Variants in OPHN1 observed in about 807,000 individuals in gnomAD.
OPHN1 encodes the protein oligophrenin 1, also known as oligophrenin-1.
OPHN1 carries 11 observed loss-of-function variants against 60.7 expected under a neutral mutation model. The observed-to-expected ratio is 0.18, with a 90% confidence interval of 0.11 to 0.30. The LOEUF (loss-of-function observed/expected upper bound fraction) is 0.30, where lower values mean the gene tolerates loss of function less well. Ranked by LOEUF, OPHN1 falls within the 10% of genes least tolerant of loss-of-function variation. OPHN1 has a pLI of 1.00. For synonymous variants in OPHN1, 226 were observed against 222.6 expected, an observed-to-expected ratio of 1.02 and a Z score of -0.14; for missense variants, 449 against 611.0, an observed-to-expected ratio of 0.73 and a Z score of 2.80.
At chrX:68,064,482 A>G (rs1022881213) in intron 20 of OPHN1, among the ~76,000 whole-genome samples, 1 of 112,299 alleles carries the variant, frequency 8.9e-6, no homozygotes, top group East Asian at 2.8e-4. Flanking sequence ...AAAGACTTAA[A>G]GTCCCCAGTC....
rs566321281 is a variant in OPHN1 at position 68,090,022 on chromosome X, A to G, written c.1686+6848T>C. ...TAAAGATATTTTTTCTCCAGATTCA[A>G]TTGAGAATGTTTGCCAAATTCCAAG... is the stretch of plus-strand genomic sequence containing the variant. On this transcript the variant is annotated intron_variant, in intron 19 of 24. Transcript: ENST00000355520. Among the ~76,000 whole-genome samples, 4 of 112,300 alleles carry G rather than the reference A, an allele frequency of 3.6e-5. No homozygotes were observed. In the East Asian group the frequency reaches 8.4e-4, roughly 23 times the overall value.
intron 1 of OPHN1, 48 bp from the exon 2 acceptor site, chrX:68,433,072 G>C (rs755861247): frequency 9.0e-7 from 1 of 1,113,114 alleles, no homozygotes; most frequent in Non-Finnish European, 1.2e-6. Context: ...AAGACCGAGA[G>C]CATCAATGGC....
At chrX:68,195,851 G>C (rs754976641) in intron 12 of OPHN1, among the ~76,000 whole-genome samples, 1 of 112,024 alleles carries the variant, frequency 8.9e-6, no homozygotes, top group African/African-American at 3.2e-5. Context: ...AAGTTGGTAT[G>C]GATCCACATT....
At chrX:68,267,599 T>C (rs1044387713) in intron 5 of OPHN1, among the ~76,000 whole-genome samples, 12 of 111,901 alleles carry the variant, frequency 1.1e-4, no homozygotes, top group Non-Finnish European at 2.3e-4. Context: ...ATTGATACCT[T>C]AACATCACAA....
intron 18 of OPHN1, among the ~76,000 whole-genome samples, chrX:68,110,834 A>G (rs1278980676): frequency 2.7e-5 from 3 of 112,072 alleles, no homozygotes. Context: ...ATAGAAGTGT[A>G]GAAAACAGTC....
chrX:68,363,571 T>C (rs1440813271), intron 2 of OPHN1, among the ~76,000 whole-genome samples: 1 of 111,339 alleles, frequency 9.0e-6, no homozygotes, highest in African/African-American at 3.3e-5. Context: ...CTCAGCTTCC[T>C]AAATTGCTGG....
intron 15 of OPHN1, among the ~76,000 whole-genome samples, chrX:68,191,626 G>A (rs772318585): frequency 1.8e-5 from 2 of 112,117 alleles, no homozygotes; most frequent in African/African-American, 6.5e-5. Context: ...TCTGAGAAGA[G>A]GGATACAAAC....
chrX:68,433,821 C>G (rs1974859040), upstream of OPHN1: 2 of 296,040 alleles, frequency 6.8e-6, no homozygotes, highest in African/African-American at 2.7e-5. Flanking sequence ...CGCGGTAGCC[C>G]AGCGCTTCCC....
chrX:68,128,362 T>A (rs1292978468), intron 15 of OPHN1, among the ~76,000 whole-genome samples: 1 of 111,530 alleles, frequency 9.0e-6, no homozygotes, highest in Non-Finnish European at 1.9e-5. Flanking sequence ...GACCTATTGA[T>A]AATGTTTTTA....
chrX:68,312,575 A>T, intron 2 of OPHN1, among the ~76,000 whole-genome samples: 1 of 111,198 alleles, frequency 9.0e-6, no homozygotes, highest in Non-Finnish European at 1.9e-5. Context: ...AAATGAAGAA[A>T]TATCTTGAAT....
At position 68,274,700 on chromosome X, in the gene OPHN1, C is replaced by T. The variant is rs758577870; in HGVS notation, c.384+38G>A. On this transcript the variant is annotated intron_variant, in intron 5 of 24. Coordinates refer to ENST00000355520, the MANE Select transcript of OPHN1 (RefSeq NM_002547.3). ...AGTAGCCCATACAACTATTCGATTG[C>T]TATTTTAAAAAATCTTATGCATATA... The T allele has an allele frequency of 1.3e-5, 13 of 966,072 alleles. 1 individual carries two copies. In the South Asian group the frequency reaches 2.1e-4, roughly 16 times the overall value. 79.6% of individuals were successfully genotyped at this position (966,072 alleles called of 1,213,427 possible).
intron 15 of OPHN1, among the ~76,000 whole-genome samples, chrX:68,182,102 C>T (rs193235011): frequency 9.1e-6 from 1 of 109,429 alleles, no homozygotes; most frequent in Non-Finnish European, 1.9e-5. Context: ...ATGGCTACAC[C>T]TTAGGCACCG....
chrX:68,392,722 C>A (rs867338326), intron 2 of OPHN1, among the ~76,000 whole-genome samples: 1 of 109,228 alleles, frequency 9.2e-6, no homozygotes, highest in Middle Eastern at 4.6e-3. Context: ...CAGAACAATG[C>A]AGCAGAGAAA....
At chrX:68,230,802 A>T (rs2077724715) in intron 6 of OPHN1, among the ~76,000 whole-genome samples, 1 of 107,619 alleles carries the variant, frequency 9.3e-6, no homozygotes, top group South Asian at 4.3e-4. Context: ...ATTAGGAGAT[A>T]GACCTAATGT....
chrX:68,260,589 A>T (rs1323867107), intron 5 of OPHN1, among the ~76,000 whole-genome samples: 1 of 111,298 alleles, frequency 9.0e-6, no homozygotes, highest in Non-Finnish European at 1.9e-5. Flanking sequence ...CTTGACTTCC[A>T]CATCTGTAGG....
Position 68,398,078 on chromosome X carries a change from G to A in OPHN1, c.154+34789C>T, listed in dbSNP as rs150082879. ...CTGTAGAAAACCTGCCAGAGTGGGG[G>A]CACAAAATGCTGCAAAGAAACAGAA... On this transcript the variant is annotated intron_variant, in intron 2 of 24. Transcript: ENST00000355520. 9.2e-4 allele frequency among the ~76,000 whole-genome samples: 103 copies of A among 111,624 alleles called. 2 individuals are homozygous for A. The East Asian group carries it at 0.028, about 31-fold the overall frequency.
At position 68,063,771 on chromosome X, in the gene OPHN1, A is replaced by T; in HGVS notation, c.2158+83T>A. Reference sequence around the variant, plus strand: ...TAAACTGGAACATATTTCCACTTAAATATATCTCCAAACTCAGAAGGATCT... The same window carrying T: ...TAAACTGGAACATATTTCCACTTAATTATATCTCCAAACTCAGAAGGATCT... On this transcript the variant is annotated intron_variant, in intron 21 of 24. Transcript: ENST00000355520. 3 of 823,900 alleles carry T rather than the reference A, an allele frequency of 3.6e-6. No homozygotes were observed. The South Asian group carries it at 1.0e-4, about 27-fold the overall frequency. The allele number at this position is 823,900 out of a possible 1,213,427, so 67.9% of individuals were successfully genotyped here. A position where few individuals can be genotyped will look rare whatever the true frequency, so the allele number is the denominator to read the frequency against.
At chrX:68,388,955 T>C (rs1334938063) in intron 2 of OPHN1, among the ~76,000 whole-genome samples, 2 of 107,109 alleles carry the variant, frequency 1.9e-5, no homozygotes, top group Admixed American at 9.9e-5. Context: ...GGAATACTAG[T>C]CAACATTTTT....
At chrX:68,156,189 T>A (rs532369133) in intron 15 of OPHN1, among the ~76,000 whole-genome samples, 2 of 110,346 alleles carry the variant, frequency 1.8e-5, no homozygotes, top group South Asian at 7.8e-4. Flanking sequence ...CCTAAAGCAT[T>A]GTTTCTTAAA....
Sources: allele counts gnomAD v4.1 joint callset (sites outside exome capture counted in the v4.1 genomes callset), GRCh38; gene constraint gnomAD v4.1.1; transcripts MANE v1.5; gene names NCBI Gene and HGNC (gene_info 2026-07-23, HGNC 2026-07-21).